The following EVL variants were observed in gnomAD, a reference collection of about 807,000 sequenced individuals.
EVL encodes ena/VASP-like protein.
A neutral mutation model predicts 59.6 loss-of-function variants in EVL; 21 were observed. That is an observed-to-expected ratio of 0.35 (90% CI 0.25 to 0.51). EVL has a LOEUF of 0.51. Ranked by LOEUF, EVL falls within the 20% of genes least tolerant of loss-of-function variation. The probability of loss-of-function intolerance (pLI) is 0.97; values close to 1 mark genes in which losing one functional copy is unlikely to be tolerated. For missense variants in EVL, 462 were observed against 546.6 expected, an observed-to-expected ratio of 0.85 and a Z score of 1.54; for synonymous variants, 198 against 203.5, an observed-to-expected ratio of 0.97 and a Z score of 0.23.
At chr14:100,104,330 T>A (rs184615327) in intron 3 of EVL, among the ~76,000 whole-genome samples, 4 of 152,256 alleles carry the variant, frequency 2.6e-5, no homozygotes, top group Admixed American at 2.6e-4. Context: ...TATTGTAATA[T>A]CTGGTCCTGA....
At chr14:100,050,602 G>T (rs924775816) in intron 1 of EVL, among the ~76,000 whole-genome samples, 2 of 149,596 alleles carry the variant, frequency 1.3e-5, no homozygotes, top group East Asian at 2.0e-4. Context: ...CTCCCAAAGT[G>T]CTGGGATTAC....
intron 3 of EVL, among the ~76,000 whole-genome samples, chr14:100,116,564 G>C (rs539188650): frequency 3.9e-5 from 6 of 152,316 alleles, no homozygotes; most frequent in African/African-American, 7.2e-5. Context: ...GGAGGGGTCA[G>C]TAGTTCCTCG....
chr14:100,073,042 C>G (rs2062082400), intron 1 of EVL, among the ~76,000 whole-genome samples: 1 of 152,148 alleles, frequency 6.6e-6, no homozygotes, highest in Admixed American at 6.5e-5. Context: ...TCAAGCGTCT[C>G]TGTTTCTCGG....
intron 1 of EVL, among the ~76,000 whole-genome samples, chr14:100,023,623 A>C (rs2061164611): frequency 6.6e-6 from 1 of 151,218 alleles, no homozygotes; most frequent in Non-Finnish European, 1.5e-5. Flanking sequence ...CACCGCACCT[A>C]GCCTAATTTT....
Position 99,985,914 on chromosome 14 carries a change from A to G in EVL, c.5+13857A>G, listed in dbSNP as rs370946801. 7.2e-4 allele frequency among the ~76,000 whole-genome samples: 110 copies of G among 152,274 alleles called. 2 individuals carry two copies. Among genetic ancestry groups the G allele is most frequent in the African/African-American group, 2.5e-3 (106 of 41,570 alleles). On this transcript the variant is annotated intron_variant, in intron 1 of 13. Coordinates refer to the EVL transcript ENST00000402714. Reference sequence around the variant, plus strand: ...CTAACTTCGGCTTGAATACAGAAAGATGTTCGACCTAGCACACAAATGAAA... The same window carrying G: ...CTAACTTCGGCTTGAATACAGAAAGGTGTTCGACCTAGCACACAAATGAAA...
chr14:99,990,440 T>C (rs1463015291), intron 1 of EVL, among the ~76,000 whole-genome samples: 2 of 152,192 alleles, frequency 1.3e-5, no homozygotes. Context: ...AGTAGATCTC[T>C]AGAACTTTTT....
intron 1 of EVL, among the ~76,000 whole-genome samples, chr14:100,007,774 GGAGA>G (rs369729182): frequency 4.0e-5 from 6 of 150,388 alleles, no homozygotes; most frequent in South Asian, 2.1e-4. Flanking sequence ...CAGAGAGAGA[GGAGA>G]GAGAGAGAGA....
intron 13 of EVL, 60 bp from the exon 14 acceptor site, chr14:100,143,641 A>T: frequency 6.2e-7 from 1 of 1,603,194 alleles, no homozygotes; most frequent in South Asian, 1.1e-5. Flanking sequence ...CGGGGCCCTG[A>T]TGAGGAACCG....
chr14:100,007,456 T>G (rs1179845670), intron 1 of EVL, among the ~76,000 whole-genome samples: 2 of 152,166 alleles, frequency 1.3e-5, no homozygotes, highest in African/African-American at 2.4e-5. Flanking sequence ...GCCCCAAGAT[T>G]TATTTTCCTT....
intron 2 of EVL, among the ~76,000 whole-genome samples, chr14:100,094,162 A>G (rs115229568): frequency 0.013 from 1,939 of 152,184 alleles, 37 homozygotes; most frequent in African/African-American, 0.044. Flanking sequence ...TCTAAATCCA[A>G]TTTCCCCATT....
chr14:100,013,216 T>C (rs932850221), intron 1 of EVL, among the ~76,000 whole-genome samples: 2 of 152,228 alleles, frequency 1.3e-5, no homozygotes, highest in African/African-American at 4.8e-5. Context: ...AGACACGTAA[T>C]GAACTGAGTT....
chr14:100,017,110 C>T (rs1381484914), intron 1 of EVL, among the ~76,000 whole-genome samples: 1 of 152,228 alleles, frequency 6.6e-6, no homozygotes, highest in South Asian at 2.1e-4. Context: ...TGACCCTGGA[C>T]AAGTTACTTA....
chr14:100,123,547 A>G lies in EVL; in HGVS notation c.367A>G (p.Ser123Gly). Residue 123 changes from serine (S) to glycine (G), a missense_variant, in exon 4 of 14, where the codon AGC becomes GGC. Physicochemically the swap from Ser to Gly is moderately conservative, Grantham distance 56. Coordinates refer to ENST00000392920, the MANE Select transcript of EVL (RefSeq NM_016337.3). ...TGCTTCTCTGCCCACAGGCCCCTCC[A>G]GCCAGCGTCAGGTGCAGAATGGCCC... ...IMNSQEGGPS[S>G]QRQVQNGPSP... The G allele has an allele frequency of 6.2e-7, 1 of 1,614,088 alleles. No homozygotes were observed. The highest frequency in any genetic ancestry group is 1.7e-5 in the Admixed American group (1 of 60,008).
upstream of EVL, among the ~76,000 whole-genome samples, chr14:100,061,131 C>G (rs1003384225): frequency 2.0e-5 from 3 of 152,130 alleles, no homozygotes; most frequent in Non-Finnish European, 2.9e-5. Flanking sequence ...TGGCTCACGC[C>G]TGTAATCCCA....
At chr14:100,111,464 T>A (rs1341167678) in intron 3 of EVL, among the ~76,000 whole-genome samples, 1 of 152,102 alleles carries the variant, frequency 6.6e-6, no homozygotes, top group Non-Finnish European at 1.5e-5. Context: ...GCCAGTTTCC[T>A]TGTCTTTAAA....
intron 1 of EVL, among the ~76,000 whole-genome samples, chr14:100,009,438 A>G (rs1401727917): frequency 6.6e-6 from 1 of 152,260 alleles, no homozygotes; most frequent in Non-Finnish European, 1.5e-5. Flanking sequence ...AGTCTCCAGA[A>G]ATTGCCTTCC....
At chr14:100,134,883 C>G (rs1888671782) in intron 8 of EVL, 1 of 152,216 alleles carries the variant, frequency 6.6e-6, no homozygotes, top group Non-Finnish European at 1.5e-5. Flanking sequence ...GTGCAAGTCT[C>G]TGTGCCCAGG....
rs2062109993 is a variant in EVL at position 100,074,087 on chromosome 14, A to T, written c.11+8576A>T. Among the ~76,000 whole-genome samples, 3 of 152,162 alleles carry T rather than the reference A, an allele frequency of 2.0e-5. No homozygotes were observed. In the South Asian group the frequency reaches 6.2e-4, roughly 32 times the overall value. On this transcript the variant is annotated intron_variant, in intron 1 of 13. Transcript: ENST00000392920. ...GGAGCAAATCAGGGCCCGGAAACTG[A>T]TTTCCCAACAGCCAGGGCTCAGGAG...
At chr14:100,092,596 G>A (rs534161420) in intron 2 of EVL, among the ~76,000 whole-genome samples, 1 of 152,180 alleles carries the variant, frequency 6.6e-6, no homozygotes, top group Non-Finnish European at 1.5e-5. Context: ...TTAGCCAGGT[G>A]TAATGGCATG....
Sources: gnomAD v4.1 joint callset for allele counts (sites outside exome capture counted in the v4.1 genomes callset) on GRCh38, gnomAD v4.1.1 for gene constraint, MANE v1.5 for transcripts, NCBI Gene and HGNC (gene_info 2026-07-23, HGNC 2026-07-21) for gene names.